The following PSEN1 variants were observed in gnomAD, a reference collection of about 807,000 sequenced individuals.
The protein encoded by PSEN1 is presenilin-1.
PSEN1 carries 15 observed loss-of-function variants against 53.5 expected under a neutral mutation model. The ratio of observed to expected loss-of-function variants is 0.28; its 90% confidence interval spans 0.19 to 0.43. The LOEUF is 0.43. PSEN1 is among the 20% of genes least tolerant of loss of function. PSEN1 has a pLI of 1.00. For synonymous variants in PSEN1, 208 were observed against 209.8 expected (o/e 0.99, Z 0.08); for missense variants, 387 against 571.2 (o/e 0.68, Z 3.29).
At position 73,205,209 on chromosome 14, in the gene PSEN1, G is replaced by T. The variant is rs113937326; in HGVS notation, c.869-1177G>T. On this transcript the variant is annotated intron_variant, in intron 8 of 11. Transcript: ENST00000324501. ...TACTGTGACCAGGCCGGGCGTGGTGGCTCACGCCTGTAATCCCAGCACTTT... is the reference window on the plus strand; with the variant it reads ...TACTGTGACCAGGCCGGGCGTGGTGTCTCACGCCTGTAATCCCAGCACTTT... Among the ~76,000 whole-genome samples the T allele has an allele frequency of 5.2e-3, 798 of 152,154 alleles. 5 individuals carry two copies. Among genetic ancestry groups the T allele is most frequent in the African/African-American group, 0.019 (777 of 41,520 alleles).
chr14:73,160,930 G>A (rs1356376763), intron 3 of PSEN1, among the ~76,000 whole-genome samples: 1 of 113,004 alleles, frequency 8.8e-6, no homozygotes, highest in African/African-American at 3.4e-5. Flanking sequence ...ACTTTTTAAT[G>A]TATTCTGGAT....
chr14:73,179,216 C>G lies in PSEN1; in HGVS notation c.480+5509C>G, dbSNP rs192042980. The stretch of plus-strand genomic sequence containing the variant: ...GCCCCACTCTCTCGGGACTGACATT[C>G]TTCCAGTCAGAGTAAGGATTCCCTC... On this transcript the variant is annotated intron_variant, in intron 5 of 11. Coordinates refer to ENST00000324501, the MANE Select transcript of PSEN1 (RefSeq NM_000021.4). Among the ~76,000 whole-genome samples the G allele has an allele frequency of 2.0e-5, 3 of 152,298 alleles. No individual in the cohort carries two copies. The East Asian group carries it at 5.8e-4, about 29-fold the overall frequency.
chr14:73,200,500 A>C (rs891594943), intron 8 of PSEN1, among the ~76,000 whole-genome samples: 1 of 152,110 alleles, frequency 6.6e-6, no homozygotes, highest in East Asian at 1.9e-4. Context: ...AAGTGATCCA[A>C]CTGCCTCAGA....
At chr14:73,194,663 G>C (rs1409007334) in intron 7 of PSEN1, among the ~76,000 whole-genome samples, 1 of 150,694 alleles carries the variant, frequency 6.6e-6, no homozygotes, top group Non-Finnish European at 1.5e-5. Flanking sequence ...TCGCCTCCCA[G>C]GTTCATGCCG....
chr14:73,213,236 T>G (rs1380765984), intron 10 of PSEN1, among the ~76,000 whole-genome samples: 1 of 152,166 alleles, frequency 6.6e-6, no homozygotes, highest in East Asian at 1.9e-4. Context: ...CCACAGTAAT[T>G]AGGTTGCCTC....
chr14:73,192,539 G>A (rs1898763713), intron 6 of PSEN1, 105 bp from the exon 7 acceptor site: 1 of 796,822 alleles, frequency 1.3e-6, no homozygotes, highest in East Asian at 2.5e-5. Context: ...AAATTATAAA[G>A]GTGGGATATT....
At chr14:73,173,358 A>G (rs1267587624) in intron 4 of PSEN1, among the ~76,000 whole-genome samples, 3 of 152,154 alleles carry the variant, frequency 2.0e-5, no homozygotes, top group Admixed American at 6.6e-5. Flanking sequence ...CCTTCTTTCC[A>G]TATGTTAGAC....
chr14:73,161,731 A>G (rs79668701), intron 3 of PSEN1, among the ~76,000 whole-genome samples: 3,508 of 152,240 alleles, frequency 0.023, 144 homozygotes, highest in African/African-American at 0.077. Context: ...CGGGTCACAC[A>G]TGGCTGACCT....
chr14:73,218,627 C>A (rs115882151), intron 11 of PSEN1, among the ~76,000 whole-genome samples: 1 of 151,658 alleles, frequency 6.6e-6, no homozygotes, highest in African/African-American at 2.4e-5. Flanking sequence ...GGAGCCTGTG[C>A]GGGAAGAATG....
chr14:73,150,861 A>G (rs923818653), intron 3 of PSEN1, among the ~76,000 whole-genome samples: 9 of 151,646 alleles, frequency 5.9e-5, no homozygotes, highest in Non-Finnish European at 1.2e-4. Context: ...CGAGGTCAAG[A>G]GACAGACCAT....
chr14:73,144,061 G>A (rs1209541651), intron 1 of PSEN1, among the ~76,000 whole-genome samples: 3 of 86,974 alleles, frequency 3.4e-5, no homozygotes, highest in African/African-American at 1.3e-4. Context: ...TTTTTTTTGA[G>A]ATGGAGTCTC....
At chr14:73,166,325 C>T (rs1897716701) in intron 3 of PSEN1, among the ~76,000 whole-genome samples, 1 of 152,088 alleles carries the variant, frequency 6.6e-6, no homozygotes, top group Non-Finnish European at 1.5e-5. Context: ...GGCTGTGGTG[C>T]CATAGAAAGA....
chr14:73,170,167 C>T (rs1373245603), intron 3 of PSEN1, among the ~76,000 whole-genome samples: 1 of 152,198 alleles, frequency 6.6e-6, no homozygotes, highest in Non-Finnish European at 1.5e-5. Context: ...AGGTCACTCT[C>T]CTCACCATCT....
At chr14:73,192,563 T>C in intron 6 of PSEN1, 81 bp from the exon 7 acceptor site, 2 of 968,024 alleles carry the variant, frequency 2.1e-6, no homozygotes, top group Non-Finnish European at 3.4e-6. Flanking sequence ...ATCTAATGTT[T>C]GGGAGCCATC....
chr14:73,191,881 A>G (rs1182446511), intron 6 of PSEN1, among the ~76,000 whole-genome samples: 1 of 152,112 alleles, frequency 6.6e-6, no homozygotes, highest in Non-Finnish European at 1.5e-5. Context: ...GCTAAATCTC[A>G]TTGTATGAAA....
chr14:73,211,903 C>T lies in PSEN1; in HGVS notation c.1090C>T (p.Leu364Phe). 1 of 1,613,922 alleles carries T rather than the reference C, an allele frequency of 6.2e-7. No individual in the cohort carries two copies. Among genetic ancestry groups the T allele is most frequent in the Non-Finnish European group, 8.5e-7 (1 of 1,179,964 alleles). Residue 364 changes from leucine to phenylalanine, a missense_variant, in exon 10 of 12, where the codon CTT becomes TTT. Transcript: ENST00000324501. ...TPESRAAVQE[L>F]SSSILAGEDP... ...TGAGTCACGAGCTGCTGTCCAGGAA[C>T]TTTCCAGCAGTATCCTCGCTGGTGA... is the stretch of plus-strand genomic sequence containing the variant.
At chr14:73,214,892 T>C (rs1489235493) in intron 10 of PSEN1, among the ~76,000 whole-genome samples, 1 of 152,206 alleles carries the variant, frequency 6.6e-6, no homozygotes, top group Non-Finnish European at 1.5e-5. Context: ...TTATACCTAG[T>C]GTCTTTGAAC....
intron 9 of PSEN1, chr14:73,209,037 G>A: frequency 5.8e-6 from 2 of 346,810 alleles, no homozygotes; most frequent in African/African-American, 2.1e-5. Flanking sequence ...CGCACACCCG[G>A]CCAGGTCATG....
At chr14:73,173,891 A>G in intron 5 of PSEN1, 184 bp downstream of exon 5, 1 of 748,708 alleles carries the variant, frequency 1.3e-6, no homozygotes, top group Non-Finnish European at 2.3e-6. Flanking sequence ...AGCCAGGTGC[A>G]TGTGTAATGC....
Sources: gnomAD v4.1 joint callset for allele counts (sites outside exome capture counted in the v4.1 genomes callset) on GRCh38, gnomAD v4.1.1 for gene constraint, MANE v1.5 for transcripts, NCBI Gene and HGNC (gene_info 2026-07-23, HGNC 2026-07-21) for gene names.